The following ZNF609 variants were observed in gnomAD, a reference collection of about 807,000 sequenced individuals.
ZNF609 encodes zinc finger protein 609.
A neutral mutation model predicts 109.5 loss-of-function variants in ZNF609; 11 were observed. The observed-to-expected ratio is 0.10, with a 90% CI of 0.06 to 0.17. ZNF609 has a LOEUF of 0.17. Among genes scored for constraint, ZNF609 ranks in the 10% least tolerant of loss-of-function variants. ZNF609 has a pLI of 1.00. For missense variants in ZNF609, 1,559 were observed against 1,772.4 expected (o/e 0.88, Z 2.16); for synonymous variants, 646 against 662.0 (o/e 0.98, Z 0.37).
At position 64,680,631 on chromosome 15, in the gene ZNF609, T is replaced by C; in HGVS notation, c.3946-15T>C. ...TCTCACTATAGTGCTTTTGTGTCTC[T>C]GGTTTCCTTTCCAGATAAGTGATAA... On this transcript the variant is annotated splice_polypyrimidine_tract_variant and intron_variant, in intron 7 of 9. Coordinates refer to ENST00000326648, the MANE Select transcript of ZNF609 (RefSeq NM_015042.2). The C allele has an allele frequency of 1.3e-6, 2 of 1,569,542 alleles. No homozygotes were observed.
chr15:64,500,084 C>T lies in ZNF609; in HGVS notation c.665C>T (p.Ala222Val), dbSNP rs199908744. ...LGSIAIEPGAALNPLGTKPEP... is the reference protein window; with the variant it reads ...LGSIAIEPGAVLNPLGTKPEP... ...AGTATAGCTATTGAGCCTGGGGCAG[C>T]GCTCAATCCTTTGGGAACTAAACCG... The change falls in exon 2 of 10, where the codon GCG (alanine) becomes GTG (valine). Residue 222 changes from alanine (A) to valine (V), a missense_variant. Coordinates refer to ENST00000326648, the MANE Select transcript of ZNF609 (RefSeq NM_015042.2). 6.6e-5 allele frequency: 106 copies of T among 1,613,916 alleles called. No homozygotes were observed. The East Asian group carries it at 6.9e-4, about 11-fold the overall frequency.
chr15:64,631,420 GT>G (rs1896075506), intron 3 of ZNF609: 6 of 732,586 alleles, frequency 8.2e-6, no homozygotes, highest in Admixed American at 5.2e-5. Context: ...TTTAGCCGTG[GT>G]AACACTTGTG....
intron 1 of ZNF609, among the ~76,000 whole-genome samples, chr15:64,473,899 C>A (rs1433214908): frequency 6.6e-6 from 1 of 152,010 alleles, no homozygotes; most frequent in Non-Finnish European, 1.5e-5. Flanking sequence ...CTCAGCCTCC[C>A]GAGTAGCTGT....
rs1363753666 is a variant in ZNF609, at chr15:64,678,432, A to G, written c.3719A>G (p.Asn1240Ser). 1.2e-6 allele frequency: 2 copies of G among 1,608,814 alleles called. No individual in the cohort carries two copies. The highest frequency in any genetic ancestry group is 1.3e-5 in the African/African-American group (1 of 74,854). ...TCCTACAGTCAGTCCTACGACCCCA[A>G]CCACCCCAGCTACCGGAGCATGCCT... Reference protein sequence around the residue: ...GYSYSQSYDPNHPSYRSMPAV... With the variant: ...GYSYSQSYDPSHPSYRSMPAV... The change falls in exon 6 of 10, where the codon AAC (asparagine) becomes AGC (serine). Residue 1240 changes from asparagine (N) to serine (S), a missense_variant. Coordinates refer to ENST00000326648, the MANE Select transcript of ZNF609 (RefSeq NM_015042.2).
chr15:64,507,398 C>T (rs1343169794), intron 2 of ZNF609, among the ~76,000 whole-genome samples: 11 of 152,206 alleles, frequency 7.2e-5, no homozygotes, highest in Non-Finnish European at 1.5e-4. Flanking sequence ...GATCCTGCCA[C>T]TGCTGGCTGT....
At chr15:64,625,936 T>TATATAGAG (rs1307358546) in intron 3 of ZNF609, among the ~76,000 whole-genome samples, 4 of 79,592 alleles carry the variant, frequency 5.0e-5, no homozygotes, top group African/African-American at 2.0e-4. Flanking sequence ...TATATATATA[T>TATATAGAG]AGAGAGAGAG....
chr15:64,582,887 G>A, intron 2 of ZNF609, among the ~76,000 whole-genome samples: 1 of 150,768 alleles, frequency 6.6e-6, no homozygotes, highest in Non-Finnish European at 1.5e-5. Context: ...GAGTAGCTGG[G>A]ACTACAGGCG....
intron 3 of ZNF609, among the ~76,000 whole-genome samples, chr15:64,626,221 ATCTTT>A (rs1374901053): frequency 5.9e-5 from 9 of 151,916 alleles, no homozygotes; most frequent in African/African-American, 7.3e-5. Context: ...TAATATACTC[ATCTTT>A]TCTTTGCTTT....
At chr15:64,576,928 A>G (rs528447915) in intron 2 of ZNF609, among the ~76,000 whole-genome samples, 96 of 134,322 alleles carry the variant, frequency 7.1e-4, no homozygotes, top group Non-Finnish European at 1.3e-3. Context: ...ATATATGTGT[A>G]TATATACATA....
intron 2 of ZNF609, among the ~76,000 whole-genome samples, chr15:64,542,518 C>T (rs909762264): frequency 2.0e-5 from 3 of 152,152 alleles, no homozygotes; most frequent in Admixed American, 6.5e-5. Context: ...AATTTCTGTG[C>T]ACTACACTAT....
At position 64,631,068 on chromosome 15, in the gene ZNF609, C is replaced by T. The variant is rs1896066531; in HGVS notation, c.973+8016C>T. The stretch of plus-strand genomic sequence containing the variant: ...CACACTTCTACTCAATGAAGAGAAA[C>T]ATTTTTACAGTCCTGAGGTCTTTTA... On this transcript the variant is annotated intron_variant, in intron 3 of 9. Transcript: ENST00000326648. The T allele has an allele frequency of 1.1e-5, 4 of 370,784 alleles. No individual in the cohort carries two copies. The Admixed American group carries it at 1.5e-4, about 14-fold the overall frequency. 23.0% of individuals were successfully genotyped at this position (370,784 alleles called of 1,614,324 possible). A position where few individuals can be genotyped will look rare whatever the true frequency, so the allele number is the denominator to read the frequency against.
At chr15:64,642,866 C>T (rs1012291738) in intron 3 of ZNF609, among the ~76,000 whole-genome samples, 2 of 152,108 alleles carry the variant, frequency 1.3e-5, no homozygotes, top group South Asian at 4.1e-4. Context: ...TTTCAGATAA[C>T]AACTATGCAC....
chr15:64,631,279 C>G (rs1178999218), intron 3 of ZNF609: 76 of 661,660 alleles, frequency 1.1e-4, no homozygotes, highest in Non-Finnish European at 2.8e-5. Context: ...TTTCAGGAAG[C>G]TATCTTGGCT....
chr15:64,500,675 C>G (rs945482809), intron 2 of ZNF609: 6 of 489,990 alleles, frequency 1.2e-5, no homozygotes, highest in Admixed American at 3.6e-5. Context: ...ACGAAGTGTT[C>G]TATTGCCGGC....
At chr15:64,475,853 C>G (rs1350858884) in intron 1 of ZNF609, among the ~76,000 whole-genome samples, 2 of 152,066 alleles carry the variant, frequency 1.3e-5, no homozygotes, top group Non-Finnish European at 2.9e-5. Context: ...TGAATTAGAA[C>G]TTGATTCTTG....
At chr15:64,611,726 ATTTTC>A (rs761501239) in intron 2 of ZNF609, among the ~76,000 whole-genome samples, 5 of 151,382 alleles carry the variant, frequency 3.3e-5, no homozygotes, top group South Asian at 2.1e-4. Flanking sequence ...CTGTACTTGA[ATTTTC>A]TTTTCTTTTT....
intron 2 of ZNF609, among the ~76,000 whole-genome samples, chr15:64,579,802 C>T (rs1895067125): frequency 6.6e-6 from 1 of 152,092 alleles, no homozygotes; most frequent in African/African-American, 2.4e-5. Context: ...CCCATCAACA[C>T]ATATTATAAA....
At chr15:64,670,307 G>A (rs1198800495) in intron 3 of ZNF609, 39 bp from the exon 4 acceptor site, 4 of 1,526,598 alleles carry the variant, frequency 2.6e-6, no homozygotes, top group Admixed American at 1.7e-5. Context: ...TGGCAAATGG[G>A]GTGTGTCTTG....
intron 4 of ZNF609, among the ~76,000 whole-genome samples, chr15:64,672,905 A>G (rs1896756794): frequency 6.6e-6 from 1 of 150,376 alleles, no homozygotes. Context: ...TGGAGGTTAC[A>G]GTGAGCCGAG....
Sources: gnomAD v4.1 joint callset for allele counts (sites outside exome capture counted in the v4.1 genomes callset) on GRCh38, gnomAD v4.1.1 for gene constraint, MANE v1.5 for transcripts, NCBI Gene and HGNC (gene_info 2026-07-23, HGNC 2026-07-21) for gene names.